TCF4: variants seen among roughly 807,000 people sequenced by gnomAD.
TCF4 encodes the protein transcription factor 4.
In TCF4, 3 loss-of-function variants were observed where a neutral mutation model predicts 82.1. That is an observed-to-expected ratio of 0.04 (90% CI 0.02 to 0.09). TCF4 has a LOEUF of 0.09. Ranked by LOEUF, TCF4 falls within the 10% of genes least tolerant of loss-of-function variation. TCF4 has a pLI of 1.00. For synonymous variants in TCF4, 276 were observed against 309.6 expected, an observed-to-expected ratio of 0.89 and a Z score of 1.14; for missense variants, 518 against 852.7, an observed-to-expected ratio of 0.61 and a Z score of 4.89.
intron 8 of TCF4, among the ~76,000 whole-genome samples, chr18:55,293,466 G>C (rs1338861517): frequency 6.6e-6 from 1 of 151,286 alleles, no homozygotes; most frequent in African/African-American, 2.4e-5. Flanking sequence ...TTCCCTCATT[G>C]CCAAAATGTC....
At chr18:55,383,422 T>G (rs2092236200) in intron 6 of TCF4, among the ~76,000 whole-genome samples, 1 of 152,140 alleles carries the variant, frequency 6.6e-6, no homozygotes, top group Non-Finnish European at 1.5e-5. Flanking sequence ...AGGATACCAC[T>G]AAATCACTTC....
chr18:55,562,911 TAGAA>T (rs2097367567), intron 3 of TCF4, among the ~76,000 whole-genome samples: 1 of 151,918 alleles, frequency 6.6e-6, no homozygotes, highest in Admixed American at 6.6e-5. Context: ...CATACATACA[TAGAA>T]AGAAAACAGA....
intron 8 of TCF4, among the ~76,000 whole-genome samples, chr18:55,323,996 A>T (rs1023185539): frequency 6.6e-6 from 1 of 152,246 alleles, no homozygotes; most frequent in Non-Finnish European, 1.5e-5. Context: ...CCAAATTGTC[A>T]TGGCTTAATG....
chr18:55,375,303 C>T (rs2090453033), intron 6 of TCF4, among the ~76,000 whole-genome samples: 1 of 152,060 alleles, frequency 6.6e-6, no homozygotes. Context: ...TTTATACACA[C>T]ACATGCACAC....
rs1431022935 is a variant in TCF4 at position 55,570,938 on chromosome 18, T to C, written c.145+14342A>G. On this transcript the variant is annotated intron_variant, in intron 3 of 19. Transcript: ENST00000354452. The stretch of plus-strand genomic sequence containing the variant: ...ATAATGGGATACATTTTCTATTTTA[T>C]ACCAGTAGACTGCACCAATAGTAAT... Among the ~76,000 whole-genome samples, 4 of 151,234 alleles carry C rather than the reference T, an allele frequency of 2.6e-5. No homozygotes were observed. In the East Asian group the frequency reaches 5.8e-4, roughly 22 times the overall value.
intron 2 of TCF4, among the ~76,000 whole-genome samples, chr18:55,597,645 T>C (rs1328253706): frequency 2.6e-5 from 4 of 150,962 alleles, no homozygotes; most frequent in Non-Finnish European, 5.9e-5. Context: ...CCAGCCTGGG[T>C]GACAAAGCAA....
At chr18:55,579,115 T>C (rs1203019059) in intron 3 of TCF4, among the ~76,000 whole-genome samples, 4 of 150,858 alleles carry the variant, frequency 2.7e-5, no homozygotes, top group Non-Finnish European at 4.4e-5. Context: ...ATATAACTTA[T>C]AACAAAGTGT....
At chr18:55,299,386 T>A (rs756512369) in intron 8 of TCF4, among the ~76,000 whole-genome samples, 1 of 150,808 alleles carries the variant, frequency 6.6e-6, no homozygotes, top group Non-Finnish European at 1.5e-5. Flanking sequence ...CACTCCAACC[T>A]GGGCAACAGA....
intron 5 of TCF4, among the ~76,000 whole-genome samples, chr18:55,442,038 A>ACATTGCCTC (rs2095446480): frequency 6.6e-6 from 1 of 152,244 alleles, no homozygotes; most frequent in African/African-American, 2.4e-5. Flanking sequence ...TTCTCCACTG[A>ACATTGCCTC]CACAACTTAG....
intron 5 of TCF4, among the ~76,000 whole-genome samples, chr18:55,414,322 G>T (rs1314473932): frequency 6.7e-6 from 1 of 150,316 alleles, no homozygotes; most frequent in African/African-American, 2.4e-5. Flanking sequence ...TGAAAGAAAA[G>T]AAAAGAAAAA....
chr18:55,272,678 G>T lies in TCF4; in HGVS notation c.790-2715C>A, dbSNP rs115975381. Among the ~76,000 whole-genome samples, 1,120 of 152,122 alleles carry T rather than the reference G, an allele frequency of 7.4e-3. 17 individuals carry two copies. Among genetic ancestry groups the T allele is most frequent in the African/African-American group, 0.026 (1,073 of 41,514 alleles). On this transcript the variant is annotated intron_variant, in intron 10 of 19. Coordinates refer to ENST00000354452, the MANE Select transcript of TCF4 (RefSeq NM_001083962.2). ...AGGATTTCACAACCTTAGCACTACT[G>T]ATCTTTTGTGCCAGACAATTCTTTG... is the stretch of plus-strand genomic sequence containing the variant.
intron 3 of TCF4, among the ~76,000 whole-genome samples, chr18:55,512,405 A>G (rs1379084395): frequency 6.6e-6 from 1 of 152,164 alleles, no homozygotes; most frequent in Non-Finnish European, 1.5e-5. Context: ...ATTTCATGTT[A>G]TGTTTTTAAA....
chr18:55,320,784 T>G (rs1320002976), intron 8 of TCF4: 1 of 152,416 alleles, frequency 6.6e-6, no homozygotes, highest in Non-Finnish European at 1.5e-5. Context: ...AACAATAAAT[T>G]TTTGCTCCTC....
intron 8 of TCF4, among the ~76,000 whole-genome samples, chr18:55,309,729 C>G (rs1474793938): frequency 6.6e-6 from 1 of 152,206 alleles, no homozygotes; most frequent in Admixed American, 6.5e-5. Flanking sequence ...AAATACCACA[C>G]AGGCAAGCTT....
At chr18:55,601,372 T>G (rs2097696739) in intron 2 of TCF4, among the ~76,000 whole-genome samples, 1 of 152,046 alleles carries the variant, frequency 6.6e-6, no homozygotes, top group South Asian at 2.1e-4. Context: ...CCAAAGGATC[T>G]TGGGAGAGGT....
chr18:55,481,602 C>G (rs2096433808), intron 3 of TCF4, among the ~76,000 whole-genome samples: 1 of 152,214 alleles, frequency 6.6e-6, no homozygotes, highest in Non-Finnish European at 1.5e-5. Flanking sequence ...CCCATGAAGA[C>G]AGAAAGCTGT....
intron 3 of TCF4, among the ~76,000 whole-genome samples, chr18:55,544,209 A>C (rs2097186851): frequency 6.6e-6 from 1 of 152,202 alleles, no homozygotes; most frequent in South Asian, 2.1e-4. Flanking sequence ...TAAGTAATTT[A>C]ATTTCTCTGG....
chr18:55,328,380 T>C (rs2076938871), intron 8 of TCF4, among the ~76,000 whole-genome samples: 1 of 149,000 alleles, frequency 6.7e-6, no homozygotes, highest in African/African-American at 2.5e-5. Flanking sequence ...TGGAATGTTC[T>C]TAAAAAAAAA....
intron 6 of TCF4, among the ~76,000 whole-genome samples, chr18:55,387,712 C>G (rs2092715379): frequency 1.3e-5 from 2 of 152,166 alleles, no homozygotes; most frequent in Non-Finnish European, 2.9e-5. Context: ...TTCAAAAACT[C>G]AGTATTTACA....
Sources: allele counts gnomAD v4.1 joint callset (sites outside exome capture counted in the v4.1 genomes callset), GRCh38; gene constraint gnomAD v4.1.1; transcripts MANE v1.5; gene names NCBI Gene and HGNC (gene_info 2026-07-23, HGNC 2026-07-21).